The following ARHGAP24 variants were observed in gnomAD, a reference collection of about 807,000 sequenced individuals.
The protein encoded by ARHGAP24 is Rho GTPase activating protein 24.
In ARHGAP24, 50 loss-of-function variants were observed where a neutral mutation model predicts 76.4. That is an observed-to-expected ratio of 0.65 (90% CI 0.52 to 0.83). ARHGAP24 has a LOEUF of 0.83. Ranked by LOEUF, ARHGAP24 falls within the 40% of genes least tolerant of loss-of-function variation. The probability of loss-of-function intolerance (pLI) is 0.00; values close to 1 mark genes in which losing one functional copy is unlikely to be tolerated. For synonymous variants in ARHGAP24, 345 were observed against 323.3 expected, an observed-to-expected ratio of 1.07 and a Z score of -0.72; for missense variants, 930 against 914.2, an observed-to-expected ratio of 1.02 and a Z score of -0.22.
chr4:85,699,801 T>C (rs1284450298), intron 2 of ARHGAP24, among the ~76,000 whole-genome samples: 1 of 152,148 alleles, frequency 6.6e-6, no homozygotes, highest in Non-Finnish European at 1.5e-5. Flanking sequence ...CTGTCTCCCA[T>C]TAAGTATACG....
chr4:85,767,244 C>T (rs189298886), intron 3 of ARHGAP24, among the ~76,000 whole-genome samples: 1 of 152,236 alleles, frequency 6.6e-6, no homozygotes, highest in East Asian at 1.9e-4. Context: ...CTGAAGTCTT[C>T]AGGTAATAAT....
intron 3 of ARHGAP24, among the ~76,000 whole-genome samples, chr4:85,758,433 A>T (rs1726605039): frequency 6.6e-6 from 1 of 152,202 alleles, no homozygotes; most frequent in Admixed American, 6.5e-5. Context: ...AATAGATGGC[A>T]GGTAAGGAGG....
chr4:85,556,465 G>A (rs1018545145), intron 1 of ARHGAP24, among the ~76,000 whole-genome samples: 1 of 152,138 alleles, frequency 6.6e-6, no homozygotes, highest in East Asian at 1.9e-4. Flanking sequence ...CTTGCTGGAG[G>A]TTTCAGCATA....
chr4:85,881,163 T>C (rs983127447), intron 3 of ARHGAP24, among the ~76,000 whole-genome samples: 2 of 152,148 alleles, frequency 1.3e-5, no homozygotes, highest in African/African-American at 2.4e-5. Context: ...AGGCAGGTAG[T>C]GTATACAGCA....
At chr4:85,707,221 T>C (rs1223167696) in intron 2 of ARHGAP24, among the ~76,000 whole-genome samples, 5 of 152,186 alleles carry the variant, frequency 3.3e-5, no homozygotes, top group Non-Finnish European at 1.5e-5. Context: ...CCAGCCTTTA[T>C]AGTACTTTAA....
chr4:85,996,714 A>T (rs1384408696), intron 9 of ARHGAP24, among the ~76,000 whole-genome samples: 1 of 152,184 alleles, frequency 6.6e-6, no homozygotes, highest in African/African-American at 2.4e-5. Flanking sequence ...TATATAATGG[A>T]GAGTGACAGG....
intron 3 of ARHGAP24, among the ~76,000 whole-genome samples, chr4:85,755,770 T>C (rs1726468662): frequency 6.6e-6 from 1 of 151,624 alleles, no homozygotes; most frequent in African/African-American, 2.4e-5. Context: ...GTAGCTGGGA[T>C]TACAGGCGCC....
chr4:85,723,440 T>C (rs1201963950), intron 3 of ARHGAP24: 1 of 152,240 alleles, frequency 6.6e-6, no homozygotes, highest in East Asian at 1.9e-4. Flanking sequence ...CCAACATTGC[T>C]ATTCTAAATC....
intron 3 of ARHGAP24, among the ~76,000 whole-genome samples, chr4:85,786,097 T>C (rs1346999904): frequency 6.6e-6 from 1 of 152,180 alleles, no homozygotes; most frequent in Non-Finnish European, 1.5e-5. Flanking sequence ...AGTCATACAA[T>C]TGGGAAGTTG....
At chr4:85,658,823 G>A (rs564944192) in intron 2 of ARHGAP24, among the ~76,000 whole-genome samples, 1 of 152,314 alleles carries the variant, frequency 6.6e-6, no homozygotes, top group East Asian at 1.9e-4. Flanking sequence ...GTGGAAGCAA[G>A]GAGACAGGAT....
intron 1 of ARHGAP24, among the ~76,000 whole-genome samples, chr4:85,549,992 C>A (rs755406652): frequency 2.6e-5 from 4 of 152,174 alleles, no homozygotes; most frequent in Non-Finnish European, 5.9e-5. Context: ...TTTTCTTTAT[C>A]CAATCTAACA....
chr4:85,625,039 A>C (rs925733277), intron 2 of ARHGAP24, among the ~76,000 whole-genome samples: 6 of 152,092 alleles, frequency 3.9e-5, no homozygotes, highest in African/African-American at 1.4e-4. Context: ...GAATTCATTA[A>C]TTTTTTGAAG....
chr4:85,934,041 G>C lies in ARHGAP24; in HGVS notation c.392-8025G>C, dbSNP rs139658402. ...ATGTATGCAACTTACTTTAACCTAAGTAGTGGCTTTTCAAGACAGCATTCA... is the reference window on the plus strand; with the variant it reads ...ATGTATGCAACTTACTTTAACCTAACTAGTGGCTTTTCAAGACAGCATTCA... On this transcript the variant is annotated intron_variant, in intron 4 of 9. Coordinates refer to ENST00000395184, the MANE Select transcript of ARHGAP24 (RefSeq NM_001025616.3). 9.5e-4 allele frequency among the ~76,000 whole-genome samples: 145 copies of C among 152,204 alleles called. 4 individuals are homozygous for C. Among genetic ancestry groups the C allele is most frequent in the African/African-American group, 3.4e-3 (142 of 41,540 alleles).
chr4:85,749,617 G>A (rs1320046385), intron 3 of ARHGAP24, among the ~76,000 whole-genome samples: 1 of 152,180 alleles, frequency 6.6e-6, no homozygotes, highest in Admixed American at 6.5e-5. Flanking sequence ...TGTTGCCCAG[G>A]CTGGAGTGCA....
intron 1 of ARHGAP24, among the ~76,000 whole-genome samples, chr4:85,547,434 G>A (rs1164925213): frequency 6.8e-6 from 1 of 146,776 alleles, no homozygotes; most frequent in East Asian, 1.9e-4. Flanking sequence ...TTCAATACTG[G>A]CAATGTAATT....
intron 3 of ARHGAP24, among the ~76,000 whole-genome samples, chr4:85,728,850 T>C (rs913013106): frequency 3.9e-5 from 6 of 152,220 alleles, no homozygotes; most frequent in Non-Finnish European, 7.4e-5. Flanking sequence ...TGACTCCTTC[T>C]GGGTTGAATA....
chr4:85,606,952 A>C (rs1720215031), intron 2 of ARHGAP24, among the ~76,000 whole-genome samples: 3 of 152,228 alleles, frequency 2.0e-5, no homozygotes, highest in African/African-American at 7.2e-5. Context: ...AGACTTGAAG[A>C]GTTTGAGAGA....
At chr4:85,678,762 C>A (rs757677353) in intron 2 of ARHGAP24, among the ~76,000 whole-genome samples, 1 of 152,114 alleles carries the variant, frequency 6.6e-6, no homozygotes, top group Non-Finnish European at 1.5e-5. Flanking sequence ...AAACATGATT[C>A]AAACAAGTCT....
intron 2 of ARHGAP24, among the ~76,000 whole-genome samples, chr4:85,716,628 GC>G (rs1446191536): frequency 1.3e-5 from 2 of 152,050 alleles, no homozygotes; most frequent in Non-Finnish European, 2.9e-5. Context: ...CAAGACACTT[GC>G]ACCCTGGTTC....
Sources: gnomAD v4.1 joint callset for allele counts (sites outside exome capture counted in the v4.1 genomes callset) on GRCh38, gnomAD v4.1.1 for gene constraint, MANE v1.5 for transcripts, NCBI Gene and HGNC (gene_info 2026-07-23, HGNC 2026-07-21) for gene names.